Variants in TENM2 observed in about 807,000 individuals in gnomAD.
The protein encoded by TENM2 is teneurin transmembrane protein 2, also known as teneurin-2.
A neutral mutation model predicts 245.2 loss-of-function variants in TENM2; 52 were observed. That is an observed-to-expected ratio of 0.21 (90% confidence interval 0.17 to 0.27). The LOEUF is 0.27. Among genes scored for constraint, TENM2 ranks in the 10% least tolerant of loss-of-function variants. TENM2 has a pLI of 1.00. For synonymous variants in TENM2, 1,363 were observed against 1,438.9 expected, an observed-to-expected ratio of 0.95 and a Z score of 1.19; for missense variants, 3,046 against 3,666.8, an observed-to-expected ratio of 0.83 and a Z score of 4.37.
At chr5:167,564,965 G>A (rs1582401808) in intron 2 of TENM2, among the ~76,000 whole-genome samples, 1 of 152,218 alleles carries the variant, frequency 6.6e-6, no homozygotes, top group African/African-American at 2.4e-5. Context: ...GTGAATACAC[G>A]AAGGTAAGAT....
intron 2 of TENM2, among the ~76,000 whole-genome samples, chr5:167,587,240 C>T (rs997366567): frequency 1.3e-5 from 2 of 152,158 alleles, no homozygotes; most frequent in African/African-American, 4.8e-5. Context: ...CAATATATTT[C>T]TCTATGCTTC....
intron 1 of TENM2, among the ~76,000 whole-genome samples, chr5:167,370,341 C>CAAA (rs35067759): frequency 6.9e-4 from 51 of 73,474 alleles, no homozygotes; most frequent in Non-Finnish European, 9.3e-4. Flanking sequence ...GACTCCGTCT[C>CAAA]AAAAAAAAAA....
intron 2 of TENM2, among the ~76,000 whole-genome samples, chr5:167,393,518 C>T (rs1181963906): frequency 6.6e-6 from 1 of 152,122 alleles, no homozygotes; most frequent in East Asian, 1.9e-4. Context: ...CACACTCCTG[C>T]TGTATTTAAG....
At chr5:167,978,856 G>A (rs890787346) in intron 4 of TENM2, among the ~76,000 whole-genome samples, 9 of 152,104 alleles carry the variant, frequency 5.9e-5, no homozygotes, top group East Asian at 1.9e-4. Flanking sequence ...GAGGATCAGC[G>A]TGTCACCCTC....
At chr5:167,258,565 T>C in the TENM2 span, among the ~76,000 whole-genome samples, 1 of 152,112 alleles carries the variant, frequency 6.6e-6, no homozygotes, top group Admixed American at 6.6e-5. Flanking sequence ...CTAGAAAACA[T>C]TTTTGTTTTG....
chr5:168,082,966 A>C (rs757875784), intron 7 of TENM2, among the ~76,000 whole-genome samples: 2 of 151,824 alleles, frequency 1.3e-5, no homozygotes, highest in Non-Finnish European at 2.9e-5. Flanking sequence ...GAGAAGCACT[A>C]CTCTCTTCAT....
At chr5:167,409,709 A>G (rs1302455093) in intron 2 of TENM2, among the ~76,000 whole-genome samples, 1 of 151,968 alleles carries the variant, frequency 6.6e-6, no homozygotes, top group Non-Finnish European at 1.5e-5. Flanking sequence ...AAGTAAAAGT[A>G]TATTGTATTG....
At chr5:167,778,553 G>A (rs1763968254) in intron 2 of TENM2, among the ~76,000 whole-genome samples, 1 of 152,174 alleles carries the variant, frequency 6.6e-6, no homozygotes, top group Admixed American at 6.5e-5. Flanking sequence ...AAGAGTGTTA[G>A]TGGGAGGGGA....
chr5:167,491,733 T>A (rs1206956120), intron 2 of TENM2, among the ~76,000 whole-genome samples: 1 of 152,178 alleles, frequency 6.6e-6, no homozygotes, highest in African/African-American at 2.4e-5. Flanking sequence ...CAAGGTGTTC[T>A]ATTAAAAGTC....
intron 1 of TENM2, among the ~76,000 whole-genome samples, chr5:167,286,614 C>G (rs6863083): frequency 0.85 from 129,007 of 152,218 alleles, 56,278 homozygotes; most frequent in East Asian, 0.97. Flanking sequence ...CAACGTGGTT[C>G]AAAGCCTTTC....
chr5:168,188,450 A>G (rs1022177305), intron 13 of TENM2, among the ~76,000 whole-genome samples: 2 of 152,250 alleles, frequency 1.3e-5, no homozygotes, highest in Non-Finnish European at 2.9e-5. Flanking sequence ...CGTTCTTATC[A>G]GAAATTCCAA....
the TENM2 span, among the ~76,000 whole-genome samples, chr5:167,132,614 G>T: frequency 3.3e-5 from 5 of 152,124 alleles, no homozygotes; most frequent in African/African-American, 1.2e-4. Flanking sequence ...CCAATCCCCT[G>T]CATTTGGCAT....
At chr5:167,323,337 A>G (rs1046709045) in intron 1 of TENM2, among the ~76,000 whole-genome samples, 10 of 152,212 alleles carry the variant, frequency 6.6e-5, no homozygotes, top group Non-Finnish European at 1.5e-4. Flanking sequence ...CGTCCTAACT[A>G]ACCAAGGTTA....
chr5:167,445,139 A>G (rs1765084610), intron 2 of TENM2, among the ~76,000 whole-genome samples: 1 of 152,028 alleles, frequency 6.6e-6, no homozygotes, highest in South Asian at 2.1e-4. Context: ...AGTAGTATCC[A>G]AAAGCATCTT....
chr5:167,442,244 G>T (rs1185444560), intron 2 of TENM2, among the ~76,000 whole-genome samples: 1 of 151,868 alleles, frequency 6.6e-6, no homozygotes, highest in Non-Finnish European at 1.5e-5. Context: ...AACTAGATTT[G>T]ATTACTTTTA....
chr5:167,512,436 G>T (rs1232194337), intron 2 of TENM2, among the ~76,000 whole-genome samples: 1 of 152,028 alleles, frequency 6.6e-6, no homozygotes, highest in Non-Finnish European at 1.5e-5. Context: ...TAAGGTGCAT[G>T]ACAGTGCATA....
intron 2 of TENM2, among the ~76,000 whole-genome samples, chr5:167,645,099 A>G (rs1162060428): frequency 2.0e-5 from 3 of 152,190 alleles, no homozygotes; most frequent in Non-Finnish European, 2.9e-5. Flanking sequence ...TTATAATTTC[A>G]TGGGATTACT....
chr5:167,747,972 C>A (rs1261941506), intron 2 of TENM2, among the ~76,000 whole-genome samples: 1 of 152,056 alleles, frequency 6.6e-6, no homozygotes, highest in Non-Finnish European at 1.5e-5. Context: ...TTGTCAGAAA[C>A]CTTTAGGTAT....
intron 12 of TENM2, among the ~76,000 whole-genome samples, chr5:168,133,159 T>C (rs576578026): frequency 1.3e-5 from 2 of 152,220 alleles, no homozygotes; most frequent in East Asian, 1.9e-4. Context: ...ATGCTTTTCA[T>C]TGGTGTACAA....
Sources: gnomAD v4.1 joint callset for allele counts (sites outside exome capture counted in the v4.1 genomes callset) on GRCh38, gnomAD v4.1.1 for gene constraint, MANE v1.5 for transcripts, NCBI Gene and HGNC (gene_info 2026-07-23, HGNC 2026-07-21) for gene names.